Variants in SPICE1 observed in about 807,000 individuals in gnomAD.
SPICE1 encodes the protein spindle and centriole associated protein 1.
In SPICE1, 75 loss-of-function variants were observed where a neutral mutation model predicts 102.7. The observed-to-expected ratio is 0.73, with a 90% CI of 0.61 to 0.88. SPICE1 has a LOEUF of 0.88. Among genes scored for constraint, SPICE1 ranks in the 40% least tolerant of loss-of-function variants. The pLI is 0.00. For missense variants in SPICE1, 979 were observed against 1,020.1 expected (o/e 0.96, Z 0.55); for synonymous variants, 308 against 350.3 (o/e 0.88, Z 1.35).
intron 6 of SPICE1, among the ~76,000 whole-genome samples, chr3:113,490,576 A>T (rs562794435): frequency 6.6e-6 from 1 of 152,166 alleles, no homozygotes; most frequent in Non-Finnish European, 1.5e-5. Context: ...CAGGAGGTAG[A>T]GGCTGCAGTG....
intron 15 of SPICE1, 144 bp downstream of exon 15, chr3:113,450,192 G>A: frequency 1.3e-6 from 1 of 782,670 alleles, no homozygotes. Context: ...TATCCTGTGA[G>A]TTAGGGCTAT....
rs1203356957 is a variant in SPICE1 at position 113,468,837 on chromosome 3, T to C, written c.814A>G (p.Thr272Ala). 1.2e-6 allele frequency: 2 copies of C among 1,614,180 alleles called. No homozygotes were observed. The highest frequency in any genetic ancestry group is 1.1e-5 in the South Asian group (1 of 91,072). ...ACGTAGCTTGAGTCTAGAGTCTCAG[T>C]AGATTCTTCAGGCTGAAGCCTGGTT... ...LQTRLQPEES[T>A]ETLDSSYVVG... Residue 272 changes from threonine to alanine, a missense_variant, in exon 9 of 18, where the codon ACT becomes GCT. Thr to Ala is a moderately conservative substitution (Grantham distance 58). Coordinates refer to ENST00000295872, the MANE Select transcript of SPICE1 (RefSeq NM_144718.4).
chr3:113,489,003 C>T lies in SPICE1; in HGVS notation c.553G>A (p.Glu185Lys). ...GTVNSQSGES[E>K]NENELDNSLN... is the part of the protein sequence containing the mutation. ...GAGTTATCCAACTCATTCTCATTCT[C>T]ACTTTCTCCTGACTGGCTATTAACA... is the stretch of plus-strand genomic sequence containing the variant. Residue 185 changes from glutamate to lysine, a missense_variant, in exon 7 of 18, where the codon GAG becomes AAG. Physicochemically the swap from Glu to Lys is moderately conservative, Grantham distance 56. Transcript: ENST00000295872. 6.2e-7 allele frequency: 1 copy of T among 1,613,814 alleles called. No individual in the cohort carries two copies. Among genetic ancestry groups the T allele is most frequent in the Non-Finnish European group, 8.5e-7 (1 of 1,179,836 alleles).
chr3:113,506,583 C>T lies in SPICE1; in HGVS notation c.23G>A (p.Arg8His), dbSNP rs767234603. 2.3e-5 allele frequency: 37 copies of T among 1,612,850 alleles called. No individual in the cohort carries two copies. The highest frequency in any genetic ancestry group is 3.1e-5 in the Non-Finnish European group (37 of 1,179,696). MSFVRVN[R>H]CGPRVGVRKT... ...TCTTACACCAACTCGGGGACCACAGCGGTTCACTCTGACAAATGACATCTA... is the reference window on the plus strand; with the variant it reads ...TCTTACACCAACTCGGGGACCACAGTGGTTCACTCTGACAAATGACATCTA... Residue 8 changes from arginine to histidine, a missense_variant, in exon 2 of 18, where the codon CGC (arginine) becomes CAC (histidine). By Grantham distance (29) the Arg-to-His change is conservative. Coordinates refer to ENST00000295872, the MANE Select transcript of SPICE1 (RefSeq NM_144718.4).
At chr3:113,468,429 T>A (rs767466702) in intron 9 of SPICE1, 25 bp from the exon 10 acceptor site, 2 of 1,595,796 alleles carry the variant, frequency 1.3e-6, no homozygotes, top group Admixed American at 3.5e-5. Context: ...AGTCATTCTA[T>A]TTTAAGACCA....
chr3:113,481,418 T>G (rs1169053112), intron 7 of SPICE1, among the ~76,000 whole-genome samples: 1 of 151,412 alleles, frequency 6.6e-6, no homozygotes, highest in Non-Finnish European at 1.5e-5. Context: ...TTTTCTAGTT[T>G]TTTTTTTATT....
intron 17 of SPICE1, among the ~76,000 whole-genome samples, 199 bp downstream of exon 17, chr3:113,446,380 AATTTTACCTT>A (rs1172589190): frequency 6.6e-6 from 1 of 152,238 alleles, no homozygotes; most frequent in Non-Finnish European, 1.5e-5. Flanking sequence ...TATCCTATTG[AATTTTACCTT>A]ATTCCTTAGT....
intron 7 of SPICE1, among the ~76,000 whole-genome samples, chr3:113,483,834 TTTTC>T (rs1281845001): frequency 1.1e-4 from 16 of 152,310 alleles, no homozygotes; most frequent in Admixed American, 7.8e-4. Flanking sequence ...TGGCCTGAAA[TTTTC>T]TTTTTTTGTT....
intron 3 of SPICE1, 24 bp downstream of exon 3, chr3:113,503,156 C>T (rs1553770551): frequency 1.2e-6 from 2 of 1,602,522 alleles, no homozygotes; most frequent in Non-Finnish European, 8.5e-7. Context: ...GAATAAATGA[C>T]TTAAGTTTTG....
intron 16 of SPICE1, 29 bp from the exon 17 acceptor site, chr3:113,446,705 A>C (rs1935523609): frequency 6.6e-7 from 1 of 1,521,366 alleles, no homozygotes; most frequent in South Asian, 1.1e-5. Flanking sequence ...ACAGAGTAAG[A>C]GAGTGAGCTA....
At chr3:113,483,558 T>TA in intron 7 of SPICE1, among the ~76,000 whole-genome samples, 1 of 152,330 alleles carries the variant, frequency 6.6e-6, no homozygotes, top group South Asian at 2.1e-4. Context: ...GTTCCACCGA[T>TA]ACCTAGTTTA....
chr3:113,445,323 G>C lies in SPICE1; in HGVS notation c.2552C>G (p.Ser851Cys), dbSNP rs146768252. 1.1e-4 allele frequency: 170 copies of C among 1,612,844 alleles called. No individual in the cohort carries two copies. In the African/African-American group the frequency reaches 2.1e-3, roughly 20 times the overall value. Residue 851 changes from serine (S) to cysteine (C), a missense_variant, in exon 18 of 18, where the codon TCT becomes TGT. Physicochemically the swap from Ser to Cys is moderately radical, Grantham distance 112. Coordinates refer to ENST00000295872, the MANE Select transcript of SPICE1 (RefSeq NM_144718.4). ...KQNEEGWFAL[S>C]THVS The stretch of plus-strand genomic sequence containing the variant: ...TGACTTCACTTATGATACATGGGTA[G>C]AAAGAGCAAACCAGCCTTCTTCATT...
chr3:113,494,115 C>T lies in SPICE1; in HGVS notation c.319G>A (p.Asp107Asn). ...EILSDQYQMQ[D>N]VLEKSDHLIA... The stretch of plus-strand genomic sequence containing the variant: ...AGATGATCAGATTTCTCCAACACAT[C>T]TTGCATCTGGTATTGATCAGAAAGA... Residue 107 changes from aspartate to asparagine, a missense_variant, in exon 5 of 18, where the codon GAT becomes AAT. Coordinates refer to ENST00000295872, the MANE Select transcript of SPICE1 (RefSeq NM_144718.4). 1.2e-6 allele frequency: 2 copies of T among 1,611,858 alleles called. No individual in the cohort carries two copies. Among genetic ancestry groups the T allele is most frequent in the Non-Finnish European group, 1.7e-6 (2 of 1,179,110 alleles).
At chr3:113,452,675 C>T (rs1006117486) in intron 14 of SPICE1, among the ~76,000 whole-genome samples, 4 of 149,360 alleles carry the variant, frequency 2.7e-5, no homozygotes, top group African/African-American at 7.4e-5. Context: ...CAGAGTGAGA[C>T]TCCATCTCAA....
At chr3:113,503,149 T>C in intron 3 of SPICE1, 31 bp downstream of exon 3, 1 of 1,597,636 alleles carries the variant, frequency 6.3e-7, no homozygotes, top group South Asian at 1.1e-5. Context: ...AAACACTGAA[T>C]AAATGACTTA....
chr3:113,458,052 G>T (rs969534398), intron 12 of SPICE1, among the ~76,000 whole-genome samples: 1 of 152,202 alleles, frequency 6.6e-6, no homozygotes, highest in African/African-American at 2.4e-5. Context: ...TTTTAAAAGA[G>T]TTACAAGAGC....
At position 113,465,681 on chromosome 3, in the gene SPICE1, C is replaced by T. The variant is rs753264565; in HGVS notation, c.1259G>A (p.Arg420His). ...TGTAGCAGCGTTTTCTTCTCTAAGA[C>T]GAAGAATTTCAGCTGTCAGAGCATC... is the stretch of plus-strand genomic sequence containing the variant. ...LIDALTAEIL[R>H]LREENAATQA... Residue 420 changes from arginine to histidine, a missense_variant, in exon 11 of 18, where the codon CGT (arginine) becomes CAT (histidine). Coordinates refer to ENST00000295872, the MANE Select transcript of SPICE1 (RefSeq NM_144718.4). 27 of 1,613,538 alleles carry T rather than the reference C, an allele frequency of 1.7e-5. No homozygotes were observed. The highest frequency in any genetic ancestry group is 1.6e-4 in the Middle Eastern group (1 of 6,080).
chr3:113,451,958 C>T (rs779970992), intron 14 of SPICE1, among the ~76,000 whole-genome samples: 4 of 152,172 alleles, frequency 2.6e-5, no homozygotes, highest in Non-Finnish European at 5.9e-5. Context: ...ATGAACACAG[C>T]CACCTCACGA....
intron 7 of SPICE1, among the ~76,000 whole-genome samples, chr3:113,470,673 G>C (rs1006746619): frequency 2.6e-5 from 4 of 152,218 alleles, no homozygotes; most frequent in Non-Finnish European, 5.9e-5. Context: ...AGAAGTAAGT[G>C]AGAACATGTG....
Sources: allele counts gnomAD v4.1 joint callset (sites outside exome capture counted in the v4.1 genomes callset), GRCh38; gene constraint gnomAD v4.1.1; transcripts MANE v1.5; gene names NCBI Gene and HGNC (gene_info 2026-07-23, HGNC 2026-07-21).